Variants in BNC2 observed in about 807,000 individuals in gnomAD.
BNC2 encodes the protein basonuclin zinc finger protein 2.
BNC2 carries 20 observed loss-of-function variants against 76.3 expected under a neutral mutation model. The ratio of observed to expected loss-of-function variants is 0.26; its 90% confidence interval spans 0.18 to 0.38. The LOEUF (loss-of-function observed/expected upper bound fraction) is 0.38. Among genes scored for constraint, BNC2 ranks in the 10% least tolerant of loss-of-function variants. BNC2 has a pLI of 1.00. For missense variants in BNC2, 1,382 were observed against 1,399.8 expected (o/e 0.99, Z 0.20); for synonymous variants, 582 against 514.8 (o/e 1.13, Z -1.77).
chr9:16,625,812 G>A (rs535860916), intron 3 of BNC2: 2 of 152,174 alleles, frequency 1.3e-5, no homozygotes, highest in East Asian at 3.9e-4. Flanking sequence ...AATAAAGATG[G>A]GTCTGGACAG....
chr9:16,468,567 T>C (rs1161852631), intron 5 of BNC2, among the ~76,000 whole-genome samples: 1 of 152,010 alleles, frequency 6.6e-6, no homozygotes, highest in Non-Finnish European at 1.5e-5. Context: ...GGCTACTTTT[T>C]GTATTTTTAG....
At chr9:16,785,304 AT>A (rs1267702970) in intron 1 of BNC2, among the ~76,000 whole-genome samples, 1 of 152,186 alleles carries the variant, frequency 6.6e-6, no homozygotes, top group Non-Finnish European at 1.5e-5. Flanking sequence ...GTTGTTCTCC[AT>A]TTCACAGATA....
At position 16,676,823 on chromosome 9, in the gene BNC2, T is replaced by G. The variant is rs551374392; in HGVS notation, c.330+50974A>C. On this transcript the variant is annotated intron_variant, in intron 3 of 6. Transcript: ENST00000380672. ...AAAAAAAAAGCAAGTTCATGAACTG[T>G]TTTTTTCCCTGTAAATATTCACTAA... Among the ~76,000 whole-genome samples the G allele has an allele frequency of 2.0e-5, 3 of 152,258 alleles. No individual in the cohort carries two copies. The South Asian group carries it at 6.2e-4, about 32-fold the overall frequency.
chr9:16,442,414 G>A (rs1284730340), intron 5 of BNC2, among the ~76,000 whole-genome samples: 1 of 152,194 alleles, frequency 6.6e-6, no homozygotes, highest in Non-Finnish European at 1.5e-5. Context: ...GCTCTGCCAA[G>A]TGACTTTTTA....
chr9:16,784,980 G>T (rs983410556), intron 1 of BNC2, among the ~76,000 whole-genome samples: 4 of 152,194 alleles, frequency 2.6e-5, no homozygotes, highest in African/African-American at 4.8e-5. Flanking sequence ...GAGACCCAGA[G>T]AATGGACACT....
chr9:16,423,888 A>G (rs962150140), intron 6 of BNC2, among the ~76,000 whole-genome samples: 17 of 152,292 alleles, frequency 1.1e-4, no homozygotes, highest in East Asian at 7.7e-4. Context: ...TTAAAGACCA[A>G]TATCACCCTT....
chr9:16,468,956 T>C (rs890414217), intron 5 of BNC2, among the ~76,000 whole-genome samples: 3 of 152,222 alleles, frequency 2.0e-5, no homozygotes, highest in African/African-American at 7.2e-5. Context: ...TTCACTCTTA[T>C]ATTCACAGAA....
intron 3 of BNC2, among the ~76,000 whole-genome samples, chr9:16,596,974 C>G (rs549215345): frequency 6.6e-5 from 10 of 152,240 alleles, no homozygotes; most frequent in African/African-American, 2.2e-4. Context: ...AAAATGTGAT[C>G]TATCACCTCT....
chr9:16,432,474 T>TA (rs1422458955), intron 6 of BNC2, among the ~76,000 whole-genome samples: 1 of 152,228 alleles, frequency 6.6e-6, no homozygotes, highest in Non-Finnish European at 1.5e-5. Context: ...AAAATGCAAC[T>TA]ACCTCATGTA....
At chr9:16,499,530 CTTTTTTTTTTT>C (rs763681726) in intron 5 of BNC2, among the ~76,000 whole-genome samples, 1 of 127,110 alleles carries the variant, frequency 7.9e-6, no homozygotes, top group South Asian at 2.7e-4. Flanking sequence ...CTTTTTTTTT[CTTTTTTTTTTT>C]TTTTTTGAGA....
intron 3 of BNC2, among the ~76,000 whole-genome samples, chr9:16,617,905 G>T (rs1820756053): frequency 6.6e-6 from 1 of 152,186 alleles, no homozygotes; most frequent in Non-Finnish European, 1.5e-5. Context: ...ACAAGTGGTG[G>T]AAACAGGATT....
intron 4 of BNC2, among the ~76,000 whole-genome samples, chr9:16,564,539 A>G (rs1819115540): frequency 6.6e-6 from 1 of 152,154 alleles, no homozygotes; most frequent in Non-Finnish European, 1.5e-5. Flanking sequence ...ATTTGCCCCT[A>G]GGAATCCAAC....
intron 1 of BNC2, among the ~76,000 whole-genome samples, chr9:16,780,235 CAAAAAAA>C (rs372583425): frequency 1.2e-4 from 8 of 66,310 alleles, no homozygotes; most frequent in Admixed American, 2.0e-4. Flanking sequence ...GACTTCGTTT[CAAAAAAA>C]AAAAAAAAAA....
In BNC2 at chr9:16,419,284, G is replaced by A. The variant is rs752799809; in HGVS notation, c.3005C>T (p.Ser1002Leu). ...DIDGASDSGE[S>L]AHKAEAPALP... ...GGCAGGGGCCTCGGCCTTGTGTGCC[G>A]ACTCCCCACTGTCACTCGCCCCGTC... The change falls in exon 7 of 7, where the codon TCG (serine) becomes TTG (leucine). Residue 1002 changes from serine (S) to leucine (L), a missense_variant. Physicochemically the swap from Ser to Leu is moderately radical, Grantham distance 145. Coordinates refer to ENST00000380672, the MANE Select transcript of BNC2 (RefSeq NM_017637.6). 19 of 1,613,948 alleles carry A rather than the reference G, an allele frequency of 1.2e-5. No individual in the cohort carries two copies. The highest frequency in any genetic ancestry group is 5.5e-5 in the South Asian group (5 of 91,074).
chr9:16,772,819 G>A (rs756608064), intron 1 of BNC2, among the ~76,000 whole-genome samples: 8 of 152,116 alleles, frequency 5.3e-5, no homozygotes, highest in African/African-American at 1.4e-4. Context: ...ATACATTCCC[G>A]TACAAAATAA....
intron 6 of BNC2, 140 bp from the exon 7 acceptor site, chr9:16,419,789 C>A (rs1820673558): frequency 1.5e-6 from 1 of 665,528 alleles, no homozygotes; most frequent in South Asian, 1.7e-5. Context: ...ATTATAAAAG[C>A]AAGCATTCCC....
chr9:16,718,678 C>G (rs1824059972), intron 3 of BNC2, among the ~76,000 whole-genome samples: 1 of 152,078 alleles, frequency 6.6e-6, no homozygotes, highest in Non-Finnish European at 1.5e-5. Flanking sequence ...CACCAAAAAG[C>G]TATAGTCAAG....
chr9:16,869,381 G>C (rs1480537346), intron 1 of BNC2, among the ~76,000 whole-genome samples: 3 of 151,522 alleles, frequency 2.0e-5, no homozygotes, highest in Non-Finnish European at 4.4e-5. Flanking sequence ...TTCTGTCAGC[G>C]TTACTGTAAC....
chr9:16,473,576 T>A (rs904175512), intron 5 of BNC2, among the ~76,000 whole-genome samples: 2 of 152,170 alleles, frequency 1.3e-5, no homozygotes, highest in African/African-American at 4.8e-5. Context: ...GACTATCTCA[T>A]GAAGATACGA....
Sources: allele counts gnomAD v4.1 joint callset (sites outside exome capture counted in the v4.1 genomes callset), GRCh38; gene constraint gnomAD v4.1.1; transcripts MANE v1.5; gene names NCBI Gene and HGNC (gene_info 2026-07-23, HGNC 2026-07-21).